Variants in CAMK1D observed in about 807,000 individuals in gnomAD.
CAMK1D encodes the protein calcium/calmodulin-dependent protein kinase type 1D.
Under a neutral mutation model 47.7 loss-of-function variants are expected in CAMK1D, and 9 were observed. The observed-to-expected ratio is 0.19, with a 90% CI of 0.11 to 0.33. The LOEUF is 0.33. CAMK1D is among the 10% of genes least tolerant of loss of function. The pLI is 1.00. For missense variants in CAMK1D, 291 were observed against 488.7 expected (o/e 0.60, Z 3.81); for synonymous variants, 184 against 184.9 (o/e 0.99, Z 0.04).
intron 1 of CAMK1D, among the ~76,000 whole-genome samples, chr10:12,504,595 C>G (rs1166495788): frequency 6.6e-6 from 1 of 152,194 alleles, no homozygotes; most frequent in East Asian, 1.9e-4. Context: ...ATAGACACAC[C>G]TAGAAACGAT....
At chr10:12,404,269 T>G (rs1372153051) in intron 1 of CAMK1D, among the ~76,000 whole-genome samples, 3 of 152,204 alleles carry the variant, frequency 2.0e-5, no homozygotes, top group Non-Finnish European at 4.4e-5. Context: ...GGTCTCGAAC[T>G]CCTGACTTCA....
At chr10:12,390,618 G>T (rs1321274952) in intron 1 of CAMK1D, among the ~76,000 whole-genome samples, 3 of 152,190 alleles carry the variant, frequency 2.0e-5, no homozygotes, top group Non-Finnish European at 4.4e-5. Flanking sequence ...TAAGAGTGCA[G>T]GGCCAGGGCT....
chr10:12,708,574 A>T (rs1268387325), intron 3 of CAMK1D, among the ~76,000 whole-genome samples: 1 of 152,228 alleles, frequency 6.6e-6, no homozygotes, highest in Non-Finnish European at 1.5e-5. Context: ...AAAGCTTCAG[A>T]CGGCCTCAGC....
chr10:12,412,142 G>A (rs934244232), intron 1 of CAMK1D, among the ~76,000 whole-genome samples: 4 of 152,272 alleles, frequency 2.6e-5, no homozygotes, highest in Admixed American at 1.3e-4. Flanking sequence ...AGCAAATGGG[G>A]CTTTTCTTTT....
intron 1 of CAMK1D, among the ~76,000 whole-genome samples, chr10:12,398,380 C>T (rs1839041902): frequency 6.6e-6 from 1 of 152,244 alleles, no homozygotes; most frequent in Non-Finnish European, 1.5e-5. Flanking sequence ...TGGAGTTTCA[C>T]TCTTGTTGCC....
intron 1 of CAMK1D, among the ~76,000 whole-genome samples, chr10:12,377,952 GTAT>G (rs1375659521): frequency 1.2e-4 from 19 of 152,342 alleles, no homozygotes; most frequent in African/African-American, 4.3e-4. Flanking sequence ...ACATCCAAAG[GTAT>G]TAGGAGCCAA....
intron 2 of CAMK1D, among the ~76,000 whole-genome samples, chr10:12,569,277 A>G (rs1171265580): frequency 6.6e-6 from 1 of 152,224 alleles, no homozygotes; most frequent in African/African-American, 2.4e-5. Context: ...CAATCATATC[A>G]ACATGTCATT....
chr10:12,359,409 T>C (rs777929151), intron 1 of CAMK1D, among the ~76,000 whole-genome samples: 3 of 145,988 alleles, frequency 2.1e-5, no homozygotes, highest in Non-Finnish European at 4.6e-5. Context: ...GTTCATGTAA[T>C]GCTAGCATTA....
intron 2 of CAMK1D, among the ~76,000 whole-genome samples, chr10:12,622,732 G>A (rs1839037944): frequency 6.6e-6 from 1 of 152,054 alleles, no homozygotes; most frequent in African/African-American, 2.4e-5. Flanking sequence ...GGCCCGGGAG[G>A]CTTTGGTGGC....
chr10:12,643,792 G>T (rs1220104785), intron 2 of CAMK1D, among the ~76,000 whole-genome samples: 1 of 151,738 alleles, frequency 6.6e-6, no homozygotes, highest in African/African-American at 2.4e-5. Context: ...GCTGAGGCAC[G>T]AGAATTGCTT....
chr10:12,738,711 A>G (rs1300460522), intron 3 of CAMK1D, among the ~76,000 whole-genome samples: 1 of 152,032 alleles, frequency 6.6e-6, no homozygotes, highest in Non-Finnish European at 1.5e-5. Flanking sequence ...TCGCACCTGT[A>G]ATCCCAGCTA....
At position 12,683,397 on chromosome 10, in the gene CAMK1D, T is replaced by C. The variant is rs140475807; in HGVS notation, c.299+16587T>C. Among the ~76,000 whole-genome samples, 674 of 152,236 alleles carry C rather than the reference T, an allele frequency of 4.4e-3. 3 individuals carry two copies. Among genetic ancestry groups the C allele is most frequent in the African/African-American group, 0.015 (639 of 41,532 alleles). On this transcript the variant is annotated intron_variant, in intron 3 of 10. Transcript: ENST00000619168. ...CACTGCACCTGGCCATAAAATTCTTTTTATAAGCCTACCAATATGATAAAA... is the reference window on the plus strand; with the variant it reads ...CACTGCACCTGGCCATAAAATTCTTCTTATAAGCCTACCAATATGATAAAA...
At chr10:12,553,095 A>G in intron 1 of CAMK1D, 130 bp from the exon 2 acceptor site, 1 of 1,521,794 alleles carries the variant, frequency 6.6e-7, no homozygotes, top group African/African-American at 1.4e-5. Flanking sequence ...CACGGTGGAT[A>G]AAAGTAACAG....
chr10:12,539,199 A>C (rs1457602674), intron 1 of CAMK1D, among the ~76,000 whole-genome samples: 1 of 152,150 alleles, frequency 6.6e-6, no homozygotes, highest in African/African-American at 2.4e-5. Context: ...TTTTTAACAC[A>C]GACACAGCCA....
intron 3 of CAMK1D, among the ~76,000 whole-genome samples, chr10:12,687,932 T>G (rs958126854): frequency 6.6e-6 from 1 of 152,198 alleles, no homozygotes; most frequent in African/African-American, 2.4e-5. Context: ...ACAGCATGTT[T>G]CAGTGATCGA....
At position 12,605,366 on chromosome 10, in the gene CAMK1D, GTA is replaced by G. The variant is rs1554795823; in HGVS notation, c.224+52012_224+52013del. On this transcript the variant is annotated intron_variant, in intron 2 of 10. Transcript: ENST00000619168. ...TGTGTGTGTGTGTGTGTGTGTGTGT[GTA>G]TGTGTGTCAAAGAGAGAGACAGACA... is the stretch of plus-strand genomic sequence containing the variant. 3.6e-3 allele frequency among the ~76,000 whole-genome samples: 551 copies of G among 151,212 alleles called. 4 individuals carry two copies. Among genetic ancestry groups the G allele is most frequent in the East Asian group, 0.015 (79 of 5,100 alleles).
At chr10:12,448,776 A>C (rs1832995395) in intron 1 of CAMK1D, among the ~76,000 whole-genome samples, 1 of 152,136 alleles carries the variant, frequency 6.6e-6, no homozygotes, top group Non-Finnish European at 1.5e-5. Context: ...TTATCCCCGG[A>C]CCATTCCTCC....
At chr10:12,826,357 G>T (rs1296964832) in intron 10 of CAMK1D, among the ~76,000 whole-genome samples, 1 of 152,162 alleles carries the variant, frequency 6.6e-6, no homozygotes, top group Non-Finnish European at 1.5e-5. Flanking sequence ...ACAGCCTCCT[G>T]CCATTGACTT....
chr10:12,385,081 G>T lies in CAMK1D; in HGVS notation c.92+35171G>T, dbSNP rs79448111. Among the ~76,000 whole-genome samples, 681 of 152,300 alleles carry T rather than the reference G, an allele frequency of 4.5e-3. 18 individuals carry two copies. The East Asian group carries it at 0.047, about 10-fold the overall frequency. On this transcript the variant is annotated intron_variant, in intron 1 of 10. Coordinates refer to ENST00000619168, the MANE Select transcript of CAMK1D (RefSeq NM_153498.4). ...TCACTTCATACCCGCTAGGATGACT[G>T]TAATAAAAAGATAGATAATAACAAG...
Sources: gnomAD v4.1 joint callset for allele counts (sites outside exome capture counted in the v4.1 genomes callset) on GRCh38, gnomAD v4.1.1 for gene constraint, MANE v1.5 for transcripts, NCBI Gene and HGNC (gene_info 2026-07-23, HGNC 2026-07-21) for gene names.